GRHL2: variants seen among roughly 807,000 people sequenced by gnomAD.
The protein encoded by GRHL2 is grainyhead-like protein 2 homolog.
Under a neutral mutation model 83.8 loss-of-function variants are expected in GRHL2, and 21 were observed. The ratio of observed to expected loss-of-function variants is 0.25; its 90% CI spans 0.18 to 0.36. The LOEUF (loss-of-function observed/expected upper bound fraction) is 0.36, where lower values mean the gene tolerates loss of function less well. Among genes scored for constraint, GRHL2 ranks in the 10% least tolerant of loss-of-function variants. The pLI, the probability that GRHL2 is intolerant of heterozygous loss-of-function variation, is 1.00. For missense variants in GRHL2, 623 were observed against 781.8 expected, an observed-to-expected ratio of 0.80 and a Z score of 2.42; for synonymous variants, 280 against 278.9, an observed-to-expected ratio of 1.00 and a Z score of -0.04.
At chr8:101,498,356 G>A (rs1042363834) in intron 1 of GRHL2, among the ~76,000 whole-genome samples, 1 of 152,268 alleles carries the variant, frequency 6.6e-6, no homozygotes, top group East Asian at 1.9e-4. Context: ...CTGACCTCAA[G>A]TGATCCACCC....
chr8:101,654,308 T>C (rs1813738410), intron 14 of GRHL2, among the ~76,000 whole-genome samples: 1 of 152,242 alleles, frequency 6.6e-6, no homozygotes, highest in African/African-American at 2.4e-5. Context: ...GAAAGGTTGA[T>C]TGTGCCTCAA....
At chr8:101,576,288 A>C (rs1811931747) in intron 6 of GRHL2, among the ~76,000 whole-genome samples, 1 of 152,162 alleles carries the variant, frequency 6.6e-6, no homozygotes, top group Non-Finnish European at 1.5e-5. Context: ...ATCACTACTC[A>C]TTGAAGCCTC....
chr8:101,653,248 G>A (rs1813710264), intron 14 of GRHL2, among the ~76,000 whole-genome samples: 1 of 152,076 alleles, frequency 6.6e-6, no homozygotes. Context: ...CATTGTGGGG[G>A]GGCTTATAGT....
chr8:101,544,428 T>C (rs1469652798), intron 2 of GRHL2, among the ~76,000 whole-genome samples: 4 of 152,240 alleles, frequency 2.6e-5, no homozygotes, highest in Non-Finnish European at 4.4e-5. Flanking sequence ...ATAATTGCCA[T>C]ATACTACCTA....
chr8:101,601,248 G>A (rs558753744), intron 8 of GRHL2, among the ~76,000 whole-genome samples: 113 of 151,826 alleles, frequency 7.4e-4, no homozygotes, highest in African/African-American at 2.6e-3. Flanking sequence ...GTTAAGGCAA[G>A]CTATAACTAT....
intron 1 of GRHL2, among the ~76,000 whole-genome samples, chr8:101,540,459 C>T (rs547906050): frequency 6.6e-6 from 1 of 152,334 alleles, no homozygotes; most frequent in South Asian, 2.1e-4. Context: ...TAATCTAACT[C>T]ATTTGCAATT....
intron 7 of GRHL2, among the ~76,000 whole-genome samples, chr8:101,590,425 C>T (rs1044667873): frequency 5.3e-5 from 8 of 152,112 alleles, no homozygotes; most frequent in Admixed American, 1.3e-4. Context: ...GAGTTTGAGC[C>T]GATCCTATTT....
chr8:101,619,502 T>A (rs1427148916), intron 8 of GRHL2, 37 bp from the exon 9 acceptor site: 2 of 1,603,924 alleles, frequency 1.2e-6, no homozygotes, highest in East Asian at 4.5e-5. Context: ...ATTCTTTTTA[T>A]GTTGACTTGT....
At chr8:101,633,530 G>C (rs1156459997) in intron 11 of GRHL2, among the ~76,000 whole-genome samples, 6 of 152,276 alleles carry the variant, frequency 3.9e-5, no homozygotes, top group African/African-American at 1.4e-4. Flanking sequence ...ATGAGACAGA[G>C]CAACTCTACA....
At position 101,577,470 on chromosome 8, in the gene GRHL2, A is replaced by G. The variant is rs776649067; in HGVS notation, c.954A>G (p.Lys318=). The change falls in exon 7 of 16, where the codon AAA becomes AAG. Residue 318 remains lysine, a synonymous_variant. Transcript: ENST00000646743. ...GAGATGAACAGCTCAAATACTGGAA[A>G]TACTGGCACTCTCGGCAGCATACGG... is the stretch of plus-strand genomic sequence containing the variant. ...KNRDEQLKYW[K]YWHSRQHTAK... 1 of 1,614,024 alleles carries G rather than the reference A, an allele frequency of 6.2e-7. No individual in the cohort carries two copies. The highest frequency in any genetic ancestry group is 1.3e-5 in the African/African-American group (1 of 74,916).
At chr8:101,582,551 A>G (rs566489442) in intron 7 of GRHL2, among the ~76,000 whole-genome samples, 31 of 152,314 alleles carry the variant, frequency 2.0e-4, no homozygotes, top group African/African-American at 6.3e-4. Context: ...TGGGTCCCCA[A>G]TGGAGGCTGA....
chr8:101,536,387 C>T (rs1006803649), intron 1 of GRHL2, among the ~76,000 whole-genome samples: 3 of 152,134 alleles, frequency 2.0e-5, no homozygotes, highest in Non-Finnish European at 4.4e-5. Context: ...CGGTGATTGA[C>T]TTCATGTAAG....
At chr8:101,604,592 CT>C (rs1812591935) in intron 8 of GRHL2, among the ~76,000 whole-genome samples, 1 of 152,026 alleles carries the variant, frequency 6.6e-6, no homozygotes, top group Non-Finnish European at 1.5e-5. Context: ...AACACTTTTC[CT>C]TTTTGGATCT....
chr8:101,518,591 T>G (rs1318037222), intron 1 of GRHL2, among the ~76,000 whole-genome samples: 2 of 152,198 alleles, frequency 1.3e-5, no homozygotes, highest in Admixed American at 6.5e-5. Flanking sequence ...TTCAGCTATT[T>G]TTGCCATTGC....
At chr8:101,500,810 C>T (rs373128066) in intron 1 of GRHL2, among the ~76,000 whole-genome samples, 1 of 151,484 alleles carries the variant, frequency 6.6e-6, no homozygotes, top group East Asian at 1.9e-4. Context: ...CACGCCCGAC[C>T]GAAAGTGTGT....
Position 101,619,466 on chromosome 8 carries a change from G to A in GRHL2, c.1099-73G>A, listed in dbSNP as rs1304836470. 4 of 1,389,484 alleles carry A rather than the reference G, an allele frequency of 2.9e-6. No individual in the cohort carries two copies. The East Asian group carries it at 6.9e-5, about 24-fold the overall frequency. 86.1% of individuals were successfully genotyped at this position (1,389,484 alleles called of 1,614,324 possible). A position where few individuals can be genotyped will look rare whatever the true frequency, so the allele number is the denominator to read the frequency against. Reference sequence around the variant, plus strand: ...GGGTTGTTTAGTATTTTGACTTAAAGTCTAAAGTTTATGCGTTTATTGTAC... The same window carrying A: ...GGGTTGTTTAGTATTTTGACTTAAAATCTAAAGTTTATGCGTTTATTGTAC... On this transcript the variant is annotated intron_variant, in intron 8 of 15. Coordinates refer to ENST00000646743, the MANE Select transcript of GRHL2 (RefSeq NM_024915.4).
At chr8:101,649,935 G>C (rs1464302511) in intron 14 of GRHL2, among the ~76,000 whole-genome samples, 1 of 152,174 alleles carries the variant, frequency 6.6e-6, no homozygotes, top group Non-Finnish European at 1.5e-5. Context: ...TTTGCAGTAA[G>C]ACTTTTCCCT....
chr8:101,579,341 T>C (rs1357165434), intron 7 of GRHL2, among the ~76,000 whole-genome samples: 1 of 152,254 alleles, frequency 6.6e-6, no homozygotes, highest in Non-Finnish European at 1.5e-5. Flanking sequence ...GGTTTACTTT[T>C]CTGAGACTAG....
At chr8:101,508,194 CATTTGGTTCAT>C (rs2129994450) in intron 1 of GRHL2, among the ~76,000 whole-genome samples, 1 of 152,260 alleles carries the variant, frequency 6.6e-6, no homozygotes, top group East Asian at 1.9e-4. Flanking sequence ...TTTTTGAAGA[CATTTGGTTCAT>C]ATTTCCAAAT....
Sources: gnomAD v4.1 joint callset for allele counts (sites outside exome capture counted in the v4.1 genomes callset) on GRCh38, gnomAD v4.1.1 for gene constraint, MANE v1.5 for transcripts, NCBI Gene and HGNC (gene_info 2026-07-23, HGNC 2026-07-21) for gene names.